PLCH1: variants seen among roughly 807,000 people sequenced by gnomAD.
PLCH1 encodes 1-phosphatidylinositol 4,5-bisphosphate phosphodiesterase eta-1.
Under a neutral mutation model 126.7 loss-of-function variants are expected in PLCH1, and 60 were observed. That is an observed-to-expected ratio of 0.47 (90% confidence interval 0.38 to 0.59). The LOEUF is 0.59. Ranked by LOEUF, PLCH1 falls within the 20% of genes least tolerant of loss-of-function variation. PLCH1 has a pLI of 0.00. For synonymous variants in PLCH1, 719 were observed against 734.9 expected (o/e 0.98, Z 0.35); for missense variants, 1,723 against 2,040.0 (o/e 0.84, Z 2.99).
At chr3:155,597,167 G>A (rs1486927131) in intron 2 of PLCH1, among the ~76,000 whole-genome samples, 1 of 151,956 alleles carries the variant, frequency 6.6e-6, no homozygotes, top group Non-Finnish European at 1.5e-5. Flanking sequence ...CTACCATTTT[G>A]TGTGCCTTTG....
chr3:155,736,865 T>A (rs964694885), intron 1 of PLCH1, among the ~76,000 whole-genome samples: 31 of 152,228 alleles, frequency 2.0e-4, no homozygotes, highest in Non-Finnish European at 2.9e-4. Flanking sequence ...TATTCTCTTT[T>A]TCTTTCTTTG....
chr3:155,652,870 A>G (rs1457739960), intron 2 of PLCH1, among the ~76,000 whole-genome samples: 2 of 152,170 alleles, frequency 1.3e-5, no homozygotes, highest in African/African-American at 4.8e-5. Context: ...ATTGGCTGAT[A>G]CACTACACTT....
rs780182537 is a variant in PLCH1 at position 155,488,789 on chromosome 3, C to T, written c.2410G>A (p.Glu804Lys). 1.2e-6 allele frequency: 2 copies of T among 1,612,086 alleles called. No homozygotes were observed. The highest frequency in any genetic ancestry group is 1.7e-4 in the Middle Eastern group (1 of 6,060). ...VDDNGFNPVW[E>K]ETLTFTVHMP... is the part of the protein sequence containing the mutation. ...TGTACTGTAAATGTCAGTGTTTCTT[C>T]CCACACAGGGTTAAATCCTCAGAGA... Residue 804 changes from glutamate to lysine, a missense_variant, in exon 20 of 23, where the codon GAA becomes AAA. Glu to Lys is a moderately conservative substitution (Grantham distance 56). Coordinates refer to ENST00000460012, the MANE Select transcript of PLCH1 (RefSeq NM_014996.4).
At chr3:155,488,904 C>T in intron 19 of PLCH1, 98 bp from the exon 20 acceptor site, 1 of 1,064,300 alleles carries the variant, frequency 9.4e-7, no homozygotes, top group Non-Finnish European at 1.3e-6. Flanking sequence ...AAATTGCTTG[C>T]AATGGTTATT....
chr3:155,670,548 C>G (rs975431659), intron 2 of PLCH1, among the ~76,000 whole-genome samples: 1 of 152,064 alleles, frequency 6.6e-6, no homozygotes, highest in Non-Finnish European at 1.5e-5. Flanking sequence ...CTCATGGTAG[C>G]TTCTGTTTTG....
intron 5 of PLCH1, among the ~76,000 whole-genome samples, chr3:155,584,748 A>G (rs1380326904): frequency 6.6e-6 from 1 of 152,168 alleles, no homozygotes; most frequent in Non-Finnish European, 1.5e-5. Flanking sequence ...TCTTTTTAAA[A>G]TTTTGCTAAC....
intron 2 of PLCH1, among the ~76,000 whole-genome samples, chr3:155,649,138 C>T (rs1270204152): frequency 2.0e-5 from 3 of 152,086 alleles, no homozygotes; most frequent in Non-Finnish European, 4.4e-5. Flanking sequence ...TCGAGAAACC[C>T]AGGCACACAA....
At chr3:155,638,673 A>G (rs1335659460) in intron 2 of PLCH1, among the ~76,000 whole-genome samples, 1 of 152,230 alleles carries the variant, frequency 6.6e-6, no homozygotes, top group African/African-American at 2.4e-5. Flanking sequence ...CATGTTTATA[A>G]TCTTAGAGCC....
chr3:155,591,861 C>T (rs1404233325), intron 4 of PLCH1, among the ~76,000 whole-genome samples: 1 of 152,084 alleles, frequency 6.6e-6, no homozygotes, highest in Admixed American at 6.6e-5. Context: ...TGTGTCACCA[C>T]ACCTGGCTAA....
intron 2 of PLCH1, among the ~76,000 whole-genome samples, chr3:155,700,758 G>GA (rs1301796430): frequency 9.9e-5 from 15 of 150,860 alleles, no homozygotes; most frequent in Admixed American, 5.9e-4. Flanking sequence ...TCCCAGGTCA[G>GA]AAAAAAAAAT....
At chr3:155,474,160 G>C (rs62276957) in intron 21 of PLCH1, among the ~76,000 whole-genome samples, 2 of 151,602 alleles carry the variant, frequency 1.3e-5, no homozygotes, top group East Asian at 3.9e-4. Flanking sequence ...TGGGAGAAAA[G>C]TTTTGCAACC....
intron 4 of PLCH1, among the ~76,000 whole-genome samples, chr3:155,592,208 AGCCTGGTGGCTTAC>A (rs1362811919): frequency 1.3e-5 from 2 of 149,676 alleles, no homozygotes; most frequent in East Asian, 3.9e-4. Context: ...TTCGTGGCCA[AGCCTGGTGGCTTAC>A]GCCTGTAATC....
chr3:155,691,004 C>T (rs1382336116), intron 2 of PLCH1, among the ~76,000 whole-genome samples: 1 of 152,186 alleles, frequency 6.6e-6, no homozygotes, highest in African/African-American at 2.4e-5. Context: ...CTAAGGGCAA[C>T]TCACACTGTG....
chr3:155,708,339 C>G (rs1380546438), intron 1 of PLCH1, among the ~76,000 whole-genome samples: 1 of 152,144 alleles, frequency 6.6e-6, no homozygotes, highest in African/African-American at 2.4e-5. Flanking sequence ...TAGCTTCCAC[C>G]AGATTCAGAA....
intron 5 of PLCH1, among the ~76,000 whole-genome samples, chr3:155,584,851 C>G (rs56022414): frequency 2.3e-3 from 346 of 152,236 alleles, no homozygotes; most frequent in African/African-American, 7.0e-3. Context: ...TTGTCCCCCC[C>G]CTTTAGGATT....
Position 155,596,373 on chromosome 3 carries a change from T to G in PLCH1, c.85A>C (p.Arg29=). ...CCGGACTGCATCACACTCATGCATC[T>G]TTCAACTGCAAAAGAAATTAGAGTG... ...LVDNSVFHVE[R]CMSVMQSGTQ... is the part of the protein sequence containing the mutation. Residue 29 remains arginine, a synonymous_variant, in exon 3 of 23, where the codon AGA becomes CGA. Transcript: ENST00000460012. The G allele has an allele frequency of 6.2e-7, 1 of 1,611,346 alleles. No individual in the cohort carries two copies. Among genetic ancestry groups the G allele is most frequent in the Non-Finnish European group, 8.5e-7 (1 of 1,178,602 alleles).
At chr3:155,626,612 AC>A (rs1737287485) in intron 2 of PLCH1, among the ~76,000 whole-genome samples, 1 of 151,822 alleles carries the variant, frequency 6.6e-6, no homozygotes, top group South Asian at 2.1e-4. Context: ...TACTAAAAAT[AC>A]AAAAAATTAG....
chr3:155,709,562 T>A (rs1243305551), intron 1 of PLCH1, among the ~76,000 whole-genome samples: 2 of 152,210 alleles, frequency 1.3e-5, no homozygotes, highest in African/African-American at 4.8e-5. Context: ...TTCATATGCT[T>A]GTTTGCCAGT....
chr3:155,695,109 T>C (rs1745699279), intron 2 of PLCH1, among the ~76,000 whole-genome samples: 1 of 152,170 alleles, frequency 6.6e-6, no homozygotes, highest in Admixed American at 6.5e-5. Context: ...GCTTTACTAA[T>C]AGTGCTATTT....
Sources: gnomAD v4.1 joint callset for allele counts (sites outside exome capture counted in the v4.1 genomes callset) on GRCh38, gnomAD v4.1.1 for gene constraint, MANE v1.5 for transcripts, NCBI Gene and HGNC (gene_info 2026-07-23, HGNC 2026-07-21) for gene names.